CUL5: variants seen among roughly 807,000 people sequenced by gnomAD.
The protein encoded by CUL5 is cullin-5.
Under a neutral mutation model 108.8 loss-of-function variants are expected in CUL5, and 26 were observed. The observed-to-expected ratio is 0.24, with a 90% CI of 0.18 to 0.33. CUL5 has a LOEUF of 0.33. Ranked by LOEUF, CUL5 falls within the 10% of genes least tolerant of loss-of-function variation. CUL5 has a pLI of 1.00. For synonymous variants in CUL5, 334 were observed against 298.0 expected, an observed-to-expected ratio of 1.12 and a Z score of -1.25; for missense variants, 524 against 909.2, an observed-to-expected ratio of 0.58 and a Z score of 5.45.
chr11:108,026,978 G>T (rs1216663314), intron 1 of CUL5, among the ~76,000 whole-genome samples: 11 of 129,874 alleles, frequency 8.5e-5, no homozygotes, highest in Non-Finnish European at 1.6e-4. Flanking sequence ...GACAGAGTGA[G>T]ACTCCGTCTC....
intron 7 of CUL5, among the ~76,000 whole-genome samples, chr11:108,062,000 G>T (rs556636894): frequency 1.3e-5 from 2 of 152,102 alleles, no homozygotes; most frequent in Non-Finnish European, 2.9e-5. Context: ...AAACCTTGCT[G>T]ATCCAATCAC....
intron 1 of CUL5, among the ~76,000 whole-genome samples, chr11:108,010,516 C>T (rs575431285): frequency 4.1e-4 from 63 of 152,298 alleles, no homozygotes; most frequent in Non-Finnish European, 6.3e-4. Context: ...ATTAGACTCC[C>T]TGAATAGCCA....
chr11:108,034,366 A>G (rs1245095638), intron 2 of CUL5, among the ~76,000 whole-genome samples: 2 of 152,196 alleles, frequency 1.3e-5, no homozygotes, highest in African/African-American at 2.4e-5. Flanking sequence ...CTCTCTCAAC[A>G]TGTACCAAAA....
chr11:108,041,336 G>T (rs1231782609), intron 2 of CUL5, among the ~76,000 whole-genome samples: 7 of 150,008 alleles, frequency 4.7e-5, no homozygotes, highest in Non-Finnish European at 1.0e-4. Flanking sequence ...GGAGTGCAGT[G>T]GCATGATCTC....
chr11:108,091,733 G>T (rs1301239498), intron 13 of CUL5, among the ~76,000 whole-genome samples: 1 of 66,988 alleles, frequency 1.5e-5, no homozygotes, highest in African/African-American at 6.4e-5. Context: ...ACACACACAC[G>T]ACAAATAATT....
intron 18 of CUL5, among the ~76,000 whole-genome samples, chr11:108,101,997 T>C (rs1864684045): frequency 6.6e-6 from 1 of 152,126 alleles, no homozygotes; most frequent in African/African-American, 2.4e-5. Flanking sequence ...CCTTCTGGTG[T>C]CATCATATCT....
chr11:108,073,288 C>A, intron 9 of CUL5, 102 bp from the exon 10 acceptor site: 2 of 590,252 alleles, frequency 3.4e-6, no homozygotes, highest in Non-Finnish European at 6.0e-6. Flanking sequence ...GAAAAAATAT[C>A]CCCAGTTTTA....
At chr11:108,010,701 C>T (rs1358869387) in intron 1 of CUL5, among the ~76,000 whole-genome samples, 1 of 152,196 alleles carries the variant, frequency 6.6e-6, no homozygotes, top group Non-Finnish European at 1.5e-5. Context: ...TAACTACTCC[C>T]CCTCTTTCTT....
chr11:108,069,713 C>T (rs1278976563), intron 7 of CUL5, among the ~76,000 whole-genome samples: 2 of 152,116 alleles, frequency 1.3e-5, no homozygotes, highest in African/African-American at 2.4e-5. Flanking sequence ...AGTGCCTGCA[C>T]GTAGTAGGCA....
intron 15 of CUL5, 93 bp downstream of exon 15, chr11:108,095,080 T>G (rs1864456453): frequency 9.2e-7 from 1 of 1,081,590 alleles, no homozygotes; most frequent in African/African-American, 1.6e-5. Flanking sequence ...GATTTTTGCC[T>G]CTCTCACATG....
intron 4 of CUL5, 121 bp from the exon 5 acceptor site, chr11:108,052,539 G>T: frequency 2.4e-6 from 2 of 837,530 alleles, no homozygotes; most frequent in South Asian, 3.9e-5. Context: ...TGGGACTACA[G>T]GCGTGAGCCA....
intron 12 of CUL5, among the ~76,000 whole-genome samples, chr11:108,089,015 G>A (rs572890940): frequency 1.3e-5 from 2 of 152,012 alleles, no homozygotes; most frequent in Non-Finnish European, 2.9e-5. Flanking sequence ...TAGATAGCAA[G>A]GGATGAATGA....
At chr11:108,039,710 G>A (rs1565241052) in intron 2 of CUL5, among the ~76,000 whole-genome samples, 2 of 152,202 alleles carry the variant, frequency 1.3e-5, no homozygotes, top group East Asian at 1.9e-4. Context: ...AAATGGAATC[G>A]TATAGTATTT....
chr11:108,098,143 A>T (rs186239663), intron 17 of CUL5, among the ~76,000 whole-genome samples: 1 of 152,310 alleles, frequency 6.6e-6, no homozygotes, highest in Non-Finnish European at 1.5e-5. Context: ...TCAATTAGCT[A>T]GTCACTTTCA....
At chr11:108,061,492 A>G (rs1863532368) in intron 7 of CUL5, among the ~76,000 whole-genome samples, 1 of 152,174 alleles carries the variant, frequency 6.6e-6, no homozygotes, top group African/African-American at 2.4e-5. Context: ...AAAGTTTTAA[A>G]ATATTTACAC....
chr11:108,049,843 T>C, intron 3 of CUL5, 47 bp from the exon 4 acceptor site: 3 of 1,495,424 alleles, frequency 2.0e-6, no homozygotes, highest in East Asian at 2.3e-5. Flanking sequence ...TCTTAATTTT[T>C]CAAAGCAACT....
intron 13 of CUL5, 78 bp downstream of exon 13, chr11:108,089,701 A>G (rs1864304621): frequency 1.2e-6 from 1 of 801,606 alleles, no homozygotes; most frequent in Admixed American, 3.5e-5. Flanking sequence ...TACATTTTGG[A>G]GATATTGTTA....
intron 1 of CUL5, among the ~76,000 whole-genome samples, chr11:108,017,286 A>T (rs1005004899): frequency 2.0e-5 from 3 of 151,788 alleles, no homozygotes; most frequent in African/African-American, 7.3e-5. Context: ...GCTACTCAGG[A>T]AGCTGAGTTG....
At chr11:108,026,378 T>TCAACATTCTC (rs980005130) in intron 1 of CUL5, among the ~76,000 whole-genome samples, 2 of 152,194 alleles carry the variant, frequency 1.3e-5, no homozygotes, top group African/African-American at 4.8e-5. Flanking sequence ...ATCTTTTCTG[T>TCAACATTCTC]CAACATTCTA....
Sources: allele counts gnomAD v4.1 joint callset (sites outside exome capture counted in the v4.1 genomes callset), GRCh38; gene constraint gnomAD v4.1.1; transcripts MANE v1.5; gene names NCBI Gene and HGNC (gene_info 2026-07-23, HGNC 2026-07-21).